The following THSD7B variants were observed in gnomAD, a reference collection of about 807,000 sequenced individuals.
THSD7B encodes the protein thrombospondin type 1 domain containing 7B, also known as thrombospondin type-1 domain-containing protein 7B.
THSD7B carries 138 observed loss-of-function variants against 213.6 expected under a neutral mutation model. That is an observed-to-expected ratio of 0.65 (90% CI 0.56 to 0.74). THSD7B has a LOEUF of 0.74. Among genes scored for constraint, THSD7B ranks in the 30% least tolerant of loss-of-function variants. The pLI, the probability that THSD7B is intolerant of heterozygous loss-of-function variation, is 0.00. For missense variants in THSD7B, 1,931 were observed against 1,991.5 expected, an observed-to-expected ratio of 0.97 and a Z score of 0.58; for synonymous variants, 742 against 687.0, an observed-to-expected ratio of 1.08 and a Z score of -1.25.
At chr2:137,245,117 T>C (rs1681997151) in intron 10 of THSD7B, among the ~76,000 whole-genome samples, 1 of 152,176 alleles carries the variant, frequency 6.6e-6, no homozygotes, top group African/African-American at 2.4e-5. Flanking sequence ...CAAAACTTGC[T>C]TTAACGCTAG....
At chr2:137,650,564 G>T (rs1182966969) in intron 21 of THSD7B, among the ~76,000 whole-genome samples, 2 of 152,086 alleles carry the variant, frequency 1.3e-5, no homozygotes, top group Non-Finnish European at 2.9e-5. Flanking sequence ...CAACTTAGAT[G>T]TCCTTTATTT....
At chr2:136,814,213 A>G (rs1322349672) in intron 1 of THSD7B, among the ~76,000 whole-genome samples, 1 of 152,204 alleles carries the variant, frequency 6.6e-6, no homozygotes, top group African/African-American at 2.4e-5. Flanking sequence ...ATGTAAAATG[A>G]AAGTGGGTTT....
intron 7 of THSD7B, among the ~76,000 whole-genome samples, chr2:137,225,014 C>A (rs1274600518): frequency 2.6e-5 from 4 of 152,010 alleles, no homozygotes; most frequent in African/African-American, 9.7e-5. Flanking sequence ...CTCCCATGTT[C>A]ATTTTAGCCT....
rs191671448 is a variant in THSD7B, at chr2:137,482,818, C to T, written c.3138+31795C>T. Reference sequence around the variant, plus strand: ...AGCTTCTCACCTTGTGCCAGAGCAACGAAAAGGACAGACACGGGTGAGAGG... The same window carrying T: ...AGCTTCTCACCTTGTGCCAGAGCAATGAAAAGGACAGACACGGGTGAGAGG... On this transcript the variant is annotated intron_variant, in intron 15 of 27. Transcript: ENST00000409968. Among the ~76,000 whole-genome samples, 9 of 151,972 alleles carry T rather than the reference C, an allele frequency of 5.9e-5. 1 individual carries two copies. Among genetic ancestry groups the T allele is most frequent in the South Asian group, 4.2e-4 (2 of 4,812 alleles).
At chr2:137,611,253 G>A (rs1251118826) in intron 17 of THSD7B, among the ~76,000 whole-genome samples, 1 of 151,642 alleles carries the variant, frequency 6.6e-6, no homozygotes, top group African/African-American at 2.4e-5. Context: ...ACCTATTGAT[G>A]TTATGAATAT....
In THSD7B at chr2:137,137,407, C is replaced by T. The variant is rs568408352; in HGVS notation, c.1369+22114C>T. Among the ~76,000 whole-genome samples the T allele has an allele frequency of 5.3e-5, 8 of 152,270 alleles. No individual in the cohort carries two copies. The East Asian group carries it at 1.3e-3, about 26-fold the overall frequency. ...GTATGTACAGTCAGGTACTGCATAA[C>T]CATGTTTCGGTCAATGACAAACCAC... On this transcript the variant is annotated intron_variant, in intron 5 of 27. Transcript: ENST00000409968.
chr2:137,002,059 A>C (rs1455985324), intron 2 of THSD7B, among the ~76,000 whole-genome samples: 1 of 152,124 alleles, frequency 6.6e-6, no homozygotes, highest in African/African-American at 2.4e-5. Context: ...ATATTCCAGC[A>C]AGAAGGTATG....
chr2:137,534,018 G>GCGCGCACA (rs1222818725), intron 15 of THSD7B, among the ~76,000 whole-genome samples: 1 of 113,488 alleles, frequency 8.8e-6, no homozygotes, highest in Non-Finnish European at 2.0e-5. Context: ...GTGTGTGCGC[G>GCGCGCACA]CACACACACA....
chr2:137,315,523 G>A (rs1201725199), intron 12 of THSD7B, among the ~76,000 whole-genome samples: 1 of 152,042 alleles, frequency 6.6e-6, no homozygotes, highest in Non-Finnish European at 1.5e-5. Flanking sequence ...CAGCCATCTT[G>A]GCTCCTCCCC....
chr2:136,926,892 T>G (rs1346707451), intron 2 of THSD7B, among the ~76,000 whole-genome samples: 1 of 130,878 alleles, frequency 7.6e-6, no homozygotes, highest in Admixed American at 7.1e-5. Context: ...TAATTTCTCC[T>G]TGTTTTTCAA....
chr2:137,285,448 G>A (rs1683147230), intron 12 of THSD7B, among the ~76,000 whole-genome samples: 2 of 152,080 alleles, frequency 1.3e-5, no homozygotes, highest in African/African-American at 4.8e-5. Context: ...TCATTATGAT[G>A]TTAGCTGGTT....
intron 1 of THSD7B, among the ~76,000 whole-genome samples, chr2:136,860,387 A>G (rs1280280702): frequency 3.3e-5 from 5 of 152,146 alleles, no homozygotes; most frequent in African/African-American, 1.2e-4. Flanking sequence ...TCTAAACTCC[A>G]GGCTTGTGTA....
At chr2:137,585,172 A>G (rs917301666) in intron 17 of THSD7B, among the ~76,000 whole-genome samples, 14 of 151,980 alleles carry the variant, frequency 9.2e-5, no homozygotes, top group African/African-American at 3.4e-4. Context: ...TTTCTGTGGG[A>G]TCAGTGGTGA....
At chr2:137,528,692 T>C (rs940743177) in intron 15 of THSD7B, among the ~76,000 whole-genome samples, 53 of 152,090 alleles carry the variant, frequency 3.5e-4, no homozygotes, top group African/African-American at 1.2e-3. Flanking sequence ...CCTGTTTGCA[T>C]ACAGAGGCAT....
intron 2 of THSD7B, among the ~76,000 whole-genome samples, chr2:136,887,435 G>A (rs528569262): frequency 6.6e-6 from 1 of 152,156 alleles, no homozygotes; most frequent in South Asian, 2.1e-4. Flanking sequence ...CCCCAATGAT[G>A]GAGGTGGGGT....
chr2:137,542,441 T>C (rs1037947131), intron 15 of THSD7B, among the ~76,000 whole-genome samples: 21 of 151,594 alleles, frequency 1.4e-4, no homozygotes, highest in African/African-American at 4.6e-4. Flanking sequence ...CTACACTAGA[T>C]ACTAAAGGAA....
intron 2 of THSD7B, among the ~76,000 whole-genome samples, chr2:136,907,371 T>C (rs914584393): frequency 3.9e-5 from 6 of 152,194 alleles, no homozygotes; most frequent in African/African-American, 1.2e-4. Flanking sequence ...TAGTCACCAA[T>C]ATTTATTTTC....
chr2:137,196,002 T>G (rs1040149034), intron 7 of THSD7B, among the ~76,000 whole-genome samples: 1 of 152,192 alleles, frequency 6.6e-6, no homozygotes, highest in Non-Finnish European at 1.5e-5. Flanking sequence ...TGCTTCTAAA[T>G]TTCAAAATTT....
At chr2:137,222,084 T>C (rs1681384040) in intron 7 of THSD7B, among the ~76,000 whole-genome samples, 1 of 152,230 alleles carries the variant, frequency 6.6e-6, no homozygotes. Context: ...TTTTTCTATT[T>C]GGAATGTCCT....
Sources: gnomAD v4.1 joint callset for allele counts (sites outside exome capture counted in the v4.1 genomes callset) on GRCh38, gnomAD v4.1.1 for gene constraint, MANE v1.5 for transcripts, NCBI Gene and HGNC (gene_info 2026-07-23, HGNC 2026-07-21) for gene names.